DNAH14: variants seen among roughly 807,000 people sequenced by gnomAD.
DNAH14 encodes axonemal beta dynein heavy chain 14.
A neutral mutation model predicts 520.9 loss-of-function variants in DNAH14; 478 were observed. The ratio of observed to expected loss-of-function variants is 0.92; its 90% CI spans 0.85 to 0.99. DNAH14 has a LOEUF of 0.99. Among genes scored for constraint, DNAH14 ranks in the 50% least tolerant of loss-of-function variants. DNAH14 has a pLI of 0.00. For missense variants in DNAH14, 4,831 were observed against 5,234.5 expected (o/e 0.92, Z 2.38); for synonymous variants, 1,581 against 1,757.2 (o/e 0.90, Z 2.51).
intron 25 of DNAH14, 172 bp downstream of exon 25, chr1:225,118,171 T>TC (rs1187839418): frequency 1.6e-6 from 1 of 642,932 alleles, no homozygotes; most frequent in African/African-American, 1.8e-5. Flanking sequence ...ATACATAATC[T>TC]CACCTTTGCT....
At chr1:225,384,033 T>A (rs994145694) in intron 81 of DNAH14, among the ~76,000 whole-genome samples, 19 of 152,316 alleles carry the variant, frequency 1.2e-4, no homozygotes, top group African/African-American at 4.6e-4. Context: ...TCAGTTTCCA[T>A]GTAGTTGAGC....
rs143138345 is a variant in DNAH14, at chr1:225,205,495, A to G, written c.5978-476A>G. Reference sequence around the variant, plus strand: ...TACCCAGTCTAAGGCTTTTTGTTACAGCAGCCCAAATGGACTAACACCCTG... The same window carrying G: ...TACCCAGTCTAAGGCTTTTTGTTACGGCAGCCCAAATGGACTAACACCCTG... On this transcript the variant is annotated intron_variant, in intron 39 of 85. Coordinates refer to ENST00000682510, the MANE Select transcript of DNAH14 (RefSeq NM_001367479.1). Among the ~76,000 whole-genome samples, 535 of 152,286 alleles carry G rather than the reference A, an allele frequency of 3.5e-3. 4 individuals carry two copies. The highest frequency in any genetic ancestry group is 0.012 in the African/African-American group (518 of 41,576).
At chr1:225,309,366 GGA>G (rs2094311424) in intron 60 of DNAH14, among the ~76,000 whole-genome samples, 3 of 143,880 alleles carry the variant, frequency 2.1e-5, no homozygotes, top group Admixed American at 7.2e-5. Context: ...CCATGTTTTA[GGA>G]GCTGACATTT....
chr1:225,187,352 G>T (rs968480340), intron 37 of DNAH14, among the ~76,000 whole-genome samples: 1 of 151,548 alleles, frequency 6.6e-6, no homozygotes, highest in Non-Finnish European at 1.5e-5. Flanking sequence ...CCACTAATTG[G>T]CTTTCTCTTT....
Position 225,119,292 on chromosome 1 carries a change from A to G in DNAH14, c.4164A>G (p.Lys1388=), listed in dbSNP as rs2077111955. The change falls in exon 26 of 86, where the codon AAA becomes AAG. Residue 1388 remains lysine, a splice_region_variant and synonymous_variant. Coordinates refer to ENST00000682510, the MANE Select transcript of DNAH14 (RefSeq NM_001367479.1). ...NVEKSMFDVL[K]KFLSQGIEDW... is the part of the protein sequence containing the mutation. The stretch of plus-strand genomic sequence containing the variant: ...AAAAAAGCATGTTCGATGTGCTAAA[A>G]AAGTAAGTACAATTTTCAAATCCTA... The G allele has an allele frequency of 6.6e-7, 1 of 1,515,526 alleles. No homozygotes were observed. The highest frequency in any genetic ancestry group is 2.1e-5 in the Admixed American group (1 of 48,276). The allele number at this position is 1,515,526 out of a possible 1,614,324, so 93.9% of individuals were successfully genotyped here.
At chr1:225,181,559 C>A (rs532159570) in intron 36 of DNAH14, among the ~76,000 whole-genome samples, 18 of 152,214 alleles carry the variant, frequency 1.2e-4, no homozygotes, top group Middle Eastern at 3.4e-3. Flanking sequence ...GTTTTCATTT[C>A]TTTTCTCTGA....
At chr1:225,379,199 C>T (rs563308014) in intron 79 of DNAH14, among the ~76,000 whole-genome samples, 2 of 152,204 alleles carry the variant, frequency 1.3e-5, no homozygotes, top group South Asian at 2.1e-4. Flanking sequence ...ATGTTCCATG[C>T]GGCTGCTTCA....
intron 55 of DNAH14, among the ~76,000 whole-genome samples, chr1:225,298,023 T>C (rs1232800206): frequency 6.6e-6 from 1 of 152,052 alleles, no homozygotes; most frequent in Non-Finnish European, 1.5e-5. Flanking sequence ...CCTGGGAGTG[T>C]GCCCACCTCC....
intron 8 of DNAH14, 24 bp from the exon 9 acceptor site, chr1:225,002,759 C>A: frequency 6.5e-7 from 1 of 1,543,476 alleles, no homozygotes; most frequent in Non-Finnish European, 8.8e-7. Context: ...AGAGATATAT[C>A]TGTAGAAATT....
chr1:225,085,803 C>T lies in DNAH14; in HGVS notation c.3573+14C>T, dbSNP rs752721693. 15 of 1,501,910 alleles carry T rather than the reference C, an allele frequency of 1.0e-5. No individual in the cohort carries two copies. The highest frequency in any genetic ancestry group is 2.6e-5 in the South Asian group (2 of 75,718). The allele number at this position is 1,501,910 out of a possible 1,614,324, so 93.0% of individuals were successfully genotyped here. ...GGGCCCATTAAGGTAAGTATTATGG[C>T]AAAGGAAAAATGTTTTCTTTTTCTG... On this transcript the variant is annotated intron_variant, in intron 21 of 85. Transcript: ENST00000682510.
At chr1:225,254,161 C>T (rs2092655944) in intron 44 of DNAH14, among the ~76,000 whole-genome samples, 1 of 151,282 alleles carries the variant, frequency 6.6e-6, no homozygotes, top group Middle Eastern at 3.2e-3. Flanking sequence ...GTAAGGACGG[C>T]AGGAAAAAAT....
chr1:225,000,005 C>T (rs1247291716), intron 8 of DNAH14, among the ~76,000 whole-genome samples: 3 of 151,956 alleles, frequency 2.0e-5, no homozygotes, highest in African/African-American at 7.3e-5. Flanking sequence ...TTCTTTCTTC[C>T]TTTTTAATGT....
At chr1:225,110,647 A>G (rs760404212) in intron 23 of DNAH14, among the ~76,000 whole-genome samples, 1 of 150,284 alleles carries the variant, frequency 6.7e-6, no homozygotes, top group Admixed American at 6.6e-5. Flanking sequence ...TATCTTTTCT[A>G]TAGTGTAATT....
intron 39 of DNAH14, among the ~76,000 whole-genome samples, chr1:225,205,059 C>G (rs1490008364): frequency 1.3e-5 from 2 of 152,118 alleles, no homozygotes; most frequent in Non-Finnish European, 1.5e-5. Context: ...CAGTGGTTAT[C>G]TATTTTCTGT....
At chr1:225,274,644 A>T (rs672951) in intron 52 of DNAH14, among the ~76,000 whole-genome samples, 1 of 152,150 alleles carries the variant, frequency 6.6e-6, no homozygotes, top group East Asian at 1.9e-4. Flanking sequence ...ACCATAATTC[A>T]GTTTTGAGAC....
chr1:225,166,895 A>G (rs1316250829), intron 35 of DNAH14, among the ~76,000 whole-genome samples: 1 of 152,246 alleles, frequency 6.6e-6, no homozygotes, highest in Admixed American at 6.5e-5. Context: ...TTCCAAAGTA[A>G]GAAATTTGTG....
At chr1:225,348,059 C>T (rs958379354) in intron 71 of DNAH14, among the ~76,000 whole-genome samples, 1 of 151,854 alleles carries the variant, frequency 6.6e-6, no homozygotes, top group African/African-American at 2.4e-5. Flanking sequence ...AATTCTGAAG[C>T]TGAAAAATGC....
intron 21 of DNAH14, among the ~76,000 whole-genome samples, chr1:225,094,818 C>CA (rs140729760): frequency 0.061 from 5,514 of 90,766 alleles, 150 homozygotes; most frequent in South Asian, 0.086. Flanking sequence ...CATTTACAGG[C>CA]AAAAAAAAAA....
intron 54 of DNAH14, among the ~76,000 whole-genome samples, chr1:225,285,862 A>C (rs2093728725): frequency 6.6e-6 from 1 of 152,220 alleles, no homozygotes; most frequent in Non-Finnish European, 1.5e-5. Flanking sequence ...GTCTCAAAAA[A>C]ATAGAAATAA....
Sources: allele counts gnomAD v4.1 joint callset (sites outside exome capture counted in the v4.1 genomes callset), GRCh38; gene constraint gnomAD v4.1.1; transcripts MANE v1.5; gene names NCBI Gene and HGNC (gene_info 2026-07-23, HGNC 2026-07-21).